The following RFX4 variants were observed in gnomAD, a reference collection of about 807,000 sequenced individuals.
The protein encoded by RFX4 is regulatory factor X4.
Under a neutral mutation model 95.0 loss-of-function variants are expected in RFX4, and 10 were observed. The ratio of observed to expected loss-of-function variants is 0.11; its 90% confidence interval spans 0.06 to 0.18. RFX4 has a LOEUF of 0.18. Ranked by LOEUF, RFX4 falls within the 10% of genes least tolerant of loss-of-function variation. RFX4 has a pLI of 1.00. For synonymous variants in RFX4, 321 were observed against 340.7 expected (o/e 0.94, Z 0.64); for missense variants, 640 against 922.0 (o/e 0.69, Z 3.96).
At chr12:106,717,749 C>T (rs1219832067) in intron 11 of RFX4, among the ~76,000 whole-genome samples, 2 of 152,212 alleles carry the variant, frequency 1.3e-5, no homozygotes, top group African/African-American at 2.4e-5. Flanking sequence ...AGAACAATGT[C>T]ATGTAATACA....
At chr12:106,745,097 G>C (rs887672217) in intron 15 of RFX4, among the ~76,000 whole-genome samples, 1 of 151,982 alleles carries the variant, frequency 6.6e-6, no homozygotes, top group Non-Finnish European at 1.5e-5. Context: ...GAATTTGGGC[G>C]GCATGTTTCA....
At chr12:106,661,560 A>G (rs1267657663) in intron 4 of RFX4, among the ~76,000 whole-genome samples, 1 of 152,218 alleles carries the variant, frequency 6.6e-6, no homozygotes, top group Non-Finnish European at 1.5e-5. Flanking sequence ...CCCAAAGTCC[A>G]TAGTTTATAT....
intron 4 of RFX4, among the ~76,000 whole-genome samples, chr12:106,661,906 T>C (rs1342545649): frequency 1.3e-5 from 2 of 152,218 alleles, no homozygotes; most frequent in African/African-American, 4.8e-5. Context: ...CATTTCTTTT[T>C]AGTGCTGAAT....
At chr12:106,688,514 C>T (rs1008419752) in intron 6 of RFX4, among the ~76,000 whole-genome samples, 1 of 151,944 alleles carries the variant, frequency 6.6e-6, no homozygotes. Context: ...TTAGAGTCAA[C>T]CAGGGAGATA....
chr12:106,628,692 T>C (rs2040354027), intron 2 of RFX4, among the ~76,000 whole-genome samples: 1 of 152,136 alleles, frequency 6.6e-6, no homozygotes, highest in Non-Finnish European at 1.5e-5. Context: ...CTTCCTAGTA[T>C]TAACACTTTT....
chr12:106,642,022 T>TA, intron 3 of RFX4, among the ~76,000 whole-genome samples: 1 of 150,998 alleles, frequency 6.6e-6, no homozygotes, highest in African/African-American at 2.4e-5. Flanking sequence ...TCTATATCTA[T>TA]TTTTTGAGAT....
At chr12:106,751,301 G>A (rs1469657321) in intron 17 of RFX4, among the ~76,000 whole-genome samples, 1 of 143,492 alleles carries the variant, frequency 7.0e-6, no homozygotes, top group East Asian at 2.0e-4. Context: ...ATTCCATGGT[G>A]TATATGTGCC....
intron 1 of RFX4, among the ~76,000 whole-genome samples, chr12:106,604,115 C>CTTTTTTTTT (rs1163891542): frequency 1.8e-5 from 2 of 112,808 alleles, no homozygotes; most frequent in Non-Finnish European, 1.8e-5. Context: ...GCTTCTCTCT[C>CTTTTTTTTT]TTTTTTTTTT....
chr12:106,599,375 C>T (rs921590739), intron 1 of RFX4, among the ~76,000 whole-genome samples: 20 of 151,990 alleles, frequency 1.3e-4, no homozygotes, highest in African/African-American at 3.4e-4. Flanking sequence ...TATATAATTA[C>T]GAGTATATAA....
chr12:106,587,355 G>T (rs1173842297), intron 1 of RFX4, among the ~76,000 whole-genome samples: 1 of 152,190 alleles, frequency 6.6e-6, no homozygotes, highest in Non-Finnish European at 1.5e-5. Flanking sequence ...CAGACCTGGC[G>T]CAAAGCAAAA....
intron 2 of RFX4, among the ~76,000 whole-genome samples, chr12:106,624,213 G>C (rs187404235): frequency 6.6e-6 from 1 of 152,316 alleles, no homozygotes; most frequent in East Asian, 1.9e-4. Context: ...GGATGAAAGA[G>C]GATTTGTCCA....
In RFX4 at chr12:106,586,314, C is replaced by A. The variant is rs994734695; in HGVS notation, c.43+2951C>A. On this transcript the variant is annotated intron_variant, in intron 1 of 17. Coordinates refer to ENST00000392842, the MANE Select transcript of RFX4 (RefSeq NM_213594.3). This position sits in a 1 kb window ranked among gnomAD's most constrained non-coding sequence, Gnocchi z 5.6. ...TGGGTGCTGAGCCCCGCGTGGCCTGCGCTCCCCACGCGGGCCACCGGCAGC... is the reference window on the plus strand; with the variant it reads ...TGGGTGCTGAGCCCCGCGTGGCCTGAGCTCCCCACGCGGGCCACCGGCAGC... 5.9e-5 allele frequency among the ~76,000 whole-genome samples: 9 copies of A among 152,232 alleles called. No homozygotes were observed. Among genetic ancestry groups the A allele is most frequent in the African/African-American group, 1.9e-4 (8 of 41,568 alleles).
At chr12:106,642,961 T>C (rs989936516) in intron 3 of RFX4, among the ~76,000 whole-genome samples, 2 of 152,168 alleles carry the variant, frequency 1.3e-5, no homozygotes, top group African/African-American at 4.8e-5. Flanking sequence ...TGAGGGATGC[T>C]GGAATAGACA....
rs2137449816 is a variant in RFX4, at chr12:106,696,300, G to A, written c.687G>A (p.Leu229=). The change falls in exon 8 of 18, where the codon CTG becomes CTA. Residue 229 remains leucine, a synonymous_variant. Transcript: ENST00000392842. ...CAATACAGGTTCAAAGTTTCCTTCT[G>A]CACTTTTGGCAAGGAATGCCGCCCC... ...ANFDEVQSFL[L]HFWQGMPPHM... 3.7e-6 allele frequency: 6 copies of A among 1,614,184 alleles called. No homozygotes were observed. Among genetic ancestry groups the A allele is most frequent in the Non-Finnish European group, 4.2e-6 (5 of 1,180,018 alleles).
At chr12:106,730,287 C>G (rs992881361) in intron 13 of RFX4, among the ~76,000 whole-genome samples, 2 of 152,308 alleles carry the variant, frequency 1.3e-5, no homozygotes, top group South Asian at 4.1e-4. Context: ...CACAAGCCCC[C>G]AACTAGCCTC....
chr12:106,620,423 T>C (rs1422323204), intron 2 of RFX4, among the ~76,000 whole-genome samples: 1 of 152,116 alleles, frequency 6.6e-6, no homozygotes, highest in African/African-American at 2.4e-5. Flanking sequence ...ACCAGCAAGT[T>C]TTTTATTAAG....
intron 4 of RFX4, among the ~76,000 whole-genome samples, chr12:106,661,247 T>C (rs2041066570): frequency 6.6e-6 from 1 of 152,218 alleles, no homozygotes; most frequent in African/African-American, 2.4e-5. Context: ...CAAAACACTT[T>C]TCAACTAGAA....
intron 2 of RFX4, among the ~76,000 whole-genome samples, chr12:106,634,295 T>C (rs1592875796): frequency 6.6e-6 from 1 of 152,166 alleles, no homozygotes; most frequent in African/African-American, 2.4e-5. Context: ...GTGTTTGCCT[T>C]GTGAGGTCCT....
intron 17 of RFX4, 41 bp from the exon 18 acceptor site, chr12:106,761,156 A>G: frequency 6.3e-7 from 1 of 1,591,474 alleles, no homozygotes; most frequent in Non-Finnish European, 8.6e-7. Flanking sequence ...TGCAACCTCA[A>G]GCTAATTTTA....
Sources: allele counts gnomAD v4.1 joint callset (sites outside exome capture counted in the v4.1 genomes callset), GRCh38; gene constraint gnomAD v4.1.1; non-coding constraint Gnocchi (gnomAD v3.1); transcripts MANE v1.5; gene names NCBI Gene and HGNC (gene_info 2026-07-23, HGNC 2026-07-21).